The following MARS1 variants were observed in gnomAD, a reference collection of about 807,000 sequenced individuals.
MARS1 encodes the protein methionyl-tRNA synthetase 1.
A neutral mutation model predicts 119.5 loss-of-function variants in MARS1; 80 were observed. The ratio of observed to expected loss-of-function variants is 0.67; its 90% CI spans 0.56 to 0.81. The LOEUF (loss-of-function observed/expected upper bound fraction) is 0.81. Ranked by LOEUF, MARS1 falls within the 30% of genes least tolerant of loss-of-function variation. MARS1 has a pLI of 0.00. For synonymous variants in MARS1, 418 were observed against 433.4 expected (o/e 0.96, Z 0.44); for missense variants, 945 against 1,116.5 (o/e 0.85, Z 2.19).
chr12:57,513,569 C>T (rs1040265064), intron 15 of MARS1, among the ~76,000 whole-genome samples: 3 of 146,328 alleles, frequency 2.1e-5, no homozygotes, highest in Non-Finnish European at 3.0e-5. Flanking sequence ...GAGCAGTACT[C>T]GTACCCCTAC....
rs773012186 is a variant in MARS1 at position 57,516,572 on chromosome 12, G to A, written c.2694G>A (p.Lys898=). 2.2e-5 allele frequency: 35 copies of A among 1,575,302 alleles called. No individual in the cohort carries two copies. Among genetic ancestry groups the A allele is most frequent in the Non-Finnish European group, 2.7e-5 (32 of 1,168,360 alleles). The change falls in exon 21 of 21, where the codon AAG becomes AAA. Residue 898 remains lysine (K), a synonymous_variant. Coordinates refer to ENST00000262027, the MANE Select transcript of MARS1 (RefSeq NM_004990.4). The part of the protein sequence containing the change: ...GKPPEAPKGK[K]KK The stretch of plus-strand genomic sequence containing the variant: ...CCCCTGAAGCCCCTAAAGGCAAGAA[G>A]AAAAAGTAAAAGACCTTGGCTCATA...
intron 10 of MARS1, among the ~76,000 whole-genome samples, chr12:57,503,491 C>T (rs2928382): frequency 0.18 from 27,393 of 151,748 alleles, 2,694 homozygotes; most frequent in East Asian, 0.29. Context: ...CCTCAGCCTC[C>T]CAAAGTGTTG....
In MARS1 at chr12:57,504,245, C is replaced by T. The variant is rs2140023921; in HGVS notation, c.1314C>T (p.Cys438=). 4.3e-6 allele frequency: 7 copies of T among 1,614,062 alleles called. No homozygotes were observed. The highest frequency in any genetic ancestry group is 5.9e-6 in the Non-Finnish European group (7 of 1,179,944). ...VELKKPQCKV[C]RSCPVVQSSQ... is the part of the protein sequence containing the mutation. ...CGCAGAAGCCTCAGTGTAAAGTCTG[C>T]CGATCATGCCCTGTGGTGCAGTCGA... The change falls in exon 11 of 21, where the codon TGC becomes TGT. Residue 438 remains cysteine (C), a synonymous_variant. Transcript: ENST00000262027.
intron 7 of MARS1, among the ~76,000 whole-genome samples, chr12:57,496,979 A>G (rs1459836990): frequency 2.0e-5 from 3 of 152,164 alleles, no homozygotes; most frequent in Admixed American, 6.5e-5. Context: ...CAGCAGTTAC[A>G]TAATAGAATG....
At chr12:57,495,598 T>C (rs2140013443) in intron 7 of MARS1, among the ~76,000 whole-genome samples, 1 of 151,634 alleles carries the variant, frequency 6.6e-6, no homozygotes, top group South Asian at 2.1e-4. Flanking sequence ...CCAGACGGGG[T>C]GGCGGCCGGG....
intron 7 of MARS1, 98 bp from the exon 8 acceptor site, chr12:57,498,059 C>T (rs1276023852): frequency 9.0e-6 from 7 of 780,038 alleles, no homozygotes; most frequent in Middle Eastern, 2.3e-4. Context: ...GAACACATGA[C>T]AGTAGAACAA....
chr12:57,505,372 G>C lies in MARS1; in HGVS notation c.1368+1073G>C, dbSNP rs544380176. On this transcript the variant is annotated intron_variant, in intron 11 of 20. Transcript: ENST00000262027. ...AGATGGGGTTTCACCATGTTGGCCA[G>C]GCTGGTCTCGAACTCCTGACCTCAG... Among the ~76,000 whole-genome samples the C allele has an allele frequency of 2.0e-5, 3 of 152,176 alleles. No individual in the cohort carries two copies. In the East Asian group the frequency reaches 5.8e-4, roughly 29 times the overall value.
At chr12:57,502,665 TACTGC>T (rs1321576530) in intron 10 of MARS1, among the ~76,000 whole-genome samples, 1 of 127,986 alleles carries the variant, frequency 7.8e-6, no homozygotes, top group Non-Finnish European at 1.6e-5. Context: ...GAGATTACGC[TACTGC>T]ACTCCAGCCT....
At chr12:57,497,553 T>C (rs1225392618) in intron 7 of MARS1, among the ~76,000 whole-genome samples, 1 of 152,214 alleles carries the variant, frequency 6.6e-6, no homozygotes, top group East Asian at 1.9e-4. Context: ...GCAGGTTGAA[T>C]GGCATGACCA....
chr12:57,488,303 C>T (rs1594804428), intron 1 of MARS1, 104 bp downstream of exon 1: 1 of 1,031,252 alleles, frequency 9.7e-7, no homozygotes, highest in Non-Finnish European at 1.4e-6. Flanking sequence ...CGCCACACAC[C>T]CCAATCGACC....
intron 10 of MARS1, among the ~76,000 whole-genome samples, chr12:57,502,911 A>G (rs1200708067): frequency 6.6e-6 from 1 of 151,702 alleles, no homozygotes; most frequent in Non-Finnish European, 1.5e-5. Context: ...CTATAATCCC[A>G]GCTACTCAGG....
intron 7 of MARS1, among the ~76,000 whole-genome samples, chr12:57,492,428 T>A (rs1223040851): frequency 6.6e-6 from 1 of 151,912 alleles, no homozygotes; most frequent in Non-Finnish European, 1.5e-5. Flanking sequence ...CCTAGCACTT[T>A]GGGAGGCCAA....
At chr12:57,498,744 A>C in intron 9 of MARS1, 121 bp downstream of exon 9, 4 of 864,972 alleles carry the variant, frequency 4.6e-6, no homozygotes, top group African/African-American at 1.7e-5. Flanking sequence ...TTAGGATCTC[A>C]ATATCACCCT....
At chr12:57,507,241 A>G (rs1877227493) in intron 11 of MARS1, among the ~76,000 whole-genome samples, 1 of 151,232 alleles carries the variant, frequency 6.6e-6, no homozygotes, top group Non-Finnish European at 1.5e-5. Flanking sequence ...AAAGTCTCCC[A>G]TGTCTACCTC....
intron 11 of MARS1, 64 bp downstream of exon 11, chr12:57,504,363 A>G (rs377153157): frequency 1.3e-5 from 16 of 1,240,490 alleles, no homozygotes; most frequent in South Asian, 6.0e-5. Context: ...TGCCTTAGCC[A>G]CAAATACTGA....
chr12:57,495,163 C>T (rs1362756844), intron 7 of MARS1, among the ~76,000 whole-genome samples: 6 of 149,272 alleles, frequency 4.0e-5, no homozygotes, highest in Admixed American at 1.3e-4. Context: ...GGGGTGGCTG[C>T]CGGGCGGGGG....
chr12:57,490,638 A>G lies in MARS1; in HGVS notation c.764A>G (p.Asn255Ser), dbSNP rs1290294795. The G allele has an allele frequency of 1.2e-6, 2 of 1,613,940 alleles. No homozygotes were observed. Among genetic ancestry groups the G allele is most frequent in the Non-Finnish European group, 1.7e-6 (2 of 1,179,992 alleles). Residue 255 changes from asparagine (N) to serine (S), a missense_variant, in exon 7 of 21, where the codon AAT (asparagine) becomes AGT (serine). Coordinates refer to ENST00000262027, the MANE Select transcript of MARS1 (RefSeq NM_004990.4). ...ESLPPLRPQQNPVLPVAGERN... is the reference protein window; with the variant it reads ...ESLPPLRPQQSPVLPVAGERN... ...TTGCCCCCGCTGCGGCCCCAGCAGA[A>G]TCCAGTGTGAGTAGACATGGCACAT...
chr12:57,501,334 C>T lies in MARS1; in HGVS notation c.1293+812C>T, dbSNP rs552196577. On this transcript the variant is annotated intron_variant, in intron 10 of 20. Coordinates refer to ENST00000262027, the MANE Select transcript of MARS1 (RefSeq NM_004990.4). The stretch of plus-strand genomic sequence containing the variant: ...CCATTGTGGGAATTTAGATTTTATT[C>T]TGGTGAATGACAAGCTGCTCTGTGG... Among the ~76,000 whole-genome samples the T allele has an allele frequency of 3.3e-5, 5 of 152,348 alleles. No homozygotes were observed. The East Asian group carries it at 9.6e-4, about 29-fold the overall frequency.
chr12:57,498,406 A>G lies in MARS1; in HGVS notation c.888-14A>G, dbSNP rs770588360. Reference sequence around the variant, plus strand: ...GAAGCGGGGCCCCCTAGCGATCACCATATTCCCTTGCAGGTACTCTCGCCT... The same window carrying G: ...GAAGCGGGGCCCCCTAGCGATCACCGTATTCCCTTGCAGGTACTCTCGCCT... On this transcript the variant is annotated splice_polypyrimidine_tract_variant and intron_variant, in intron 8 of 20. Transcript: ENST00000262027. 2.5e-5 allele frequency: 40 copies of G among 1,612,756 alleles called. No individual in the cohort carries two copies. The Admixed American group carries it at 3.2e-4, about 13-fold the overall frequency.
Sources: gnomAD v4.1 joint callset for allele counts (sites outside exome capture counted in the v4.1 genomes callset) on GRCh38, gnomAD v4.1.1 for gene constraint, MANE v1.5 for transcripts, NCBI Gene and HGNC (gene_info 2026-07-23, HGNC 2026-07-21) for gene names.